Variants in SLCO6A1 observed in about 807,000 individuals in gnomAD.
The protein encoded by SLCO6A1 is solute carrier organic anion transporter family member 6A1.
SLCO6A1 carries 65 observed loss-of-function variants against 72.7 expected under a neutral mutation model. The observed-to-expected ratio is 0.89, with a 90% CI of 0.73 to 1.10. The LOEUF is 1.10. SLCO6A1 is among the 50% of genes least tolerant of loss of function. The probability of loss-of-function intolerance (pLI) is 0.00; values close to 1 mark genes in which losing one functional copy is unlikely to be tolerated. For missense variants in SLCO6A1, 874 were observed against 872.6 expected, an observed-to-expected ratio of 1.00 and a Z score of -0.02; for synonymous variants, 314 against 298.2, an observed-to-expected ratio of 1.05 and a Z score of -0.55.
chr5:102,411,629 A>G (rs547826866), intron 9 of SLCO6A1, among the ~76,000 whole-genome samples: 1 of 150,502 alleles, frequency 6.6e-6, no homozygotes, highest in Admixed American at 6.6e-5. Context: ...CCAAACTCCT[A>G]TCTAAGGGAT....
chr5:102,447,279 G>A lies in SLCO6A1; in HGVS notation c.1132-8518C>T, dbSNP rs904929843. On this transcript the variant is annotated intron_variant, in intron 6 of 13. Coordinates refer to ENST00000506729, the MANE Select transcript of SLCO6A1 (RefSeq NM_173488.5). ...GGATTCAGTTTGCTAGTATTTTTTT[G>A]AGAATGTTTGCATTTATGTTCATCA... is the stretch of plus-strand genomic sequence containing the variant. 3.3e-5 allele frequency among the ~76,000 whole-genome samples: 5 copies of A among 152,110 alleles called. No individual in the cohort carries two copies. In the East Asian group the frequency reaches 9.6e-4, roughly 29 times the overall value.
intron 1 of SLCO6A1, among the ~76,000 whole-genome samples, chr5:102,481,388 A>C (rs2112833703): frequency 6.6e-6 from 1 of 152,228 alleles, no homozygotes; most frequent in South Asian, 2.1e-4. Context: ...GGCTTTAATC[A>C]CCCAGCATTG....
intron 6 of SLCO6A1, among the ~76,000 whole-genome samples, chr5:102,446,347 C>T (rs1178630823): frequency 6.6e-6 from 1 of 152,054 alleles, no homozygotes; most frequent in African/African-American, 2.4e-5. Flanking sequence ...AATGGGATTG[C>T]ATTCTTGATT....
At chr5:102,439,197 A>G (rs1254677090) in intron 6 of SLCO6A1, among the ~76,000 whole-genome samples, 1 of 152,040 alleles carries the variant, frequency 6.6e-6, no homozygotes, top group Non-Finnish European at 1.5e-5. Context: ...AATACTCAAG[A>G]AAAACCAGTA....
At chr5:102,496,379 T>C (rs1049277974) in intron 1 of SLCO6A1, among the ~76,000 whole-genome samples, 1 of 152,050 alleles carries the variant, frequency 6.6e-6, no homozygotes, top group Non-Finnish European at 1.5e-5. Context: ...AATAGAAAAA[T>C]GAAGAGAGAT....
At chr5:102,385,177 T>A (rs1395785755) in intron 12 of SLCO6A1, among the ~76,000 whole-genome samples, 1 of 152,178 alleles carries the variant, frequency 6.6e-6, no homozygotes, top group Non-Finnish European at 1.5e-5. Context: ...GCTCCTAGTC[T>A]TATAGAGGTT....
intron 12 of SLCO6A1, among the ~76,000 whole-genome samples, chr5:102,386,546 T>C (rs184675258): frequency 6.6e-6 from 1 of 152,082 alleles, no homozygotes; most frequent in African/African-American, 2.4e-5. Flanking sequence ...GGTCTGGAAC[T>C]TGTATTTGCA....
chr5:102,406,745 TA>T (rs536925183), intron 9 of SLCO6A1, among the ~76,000 whole-genome samples: 4 of 151,032 alleles, frequency 2.6e-5, no homozygotes, highest in Non-Finnish European at 4.4e-5. Context: ...ATTTGTATTC[TA>T]AAAAAAAACA....
intron 7 of SLCO6A1, among the ~76,000 whole-genome samples, chr5:102,421,299 G>A: frequency 6.6e-6 from 1 of 152,032 alleles, no homozygotes; most frequent in East Asian, 1.9e-4. Context: ...AAACGGAGCC[G>A]AAGCCAGGGA....
intron 4 of SLCO6A1, among the ~76,000 whole-genome samples, chr5:102,463,896 G>GA (rs397697671): frequency 0.61 from 83,212 of 136,874 alleles, 24,484 homozygotes; most frequent in Non-Finnish European, 0.65. Context: ...CAAAAAAGAA[G>GA]AAAAAAAAAA....
chr5:102,385,325 G>T (rs1253773253), intron 12 of SLCO6A1, among the ~76,000 whole-genome samples: 1 of 152,040 alleles, frequency 6.6e-6, no homozygotes, highest in African/African-American at 2.4e-5. Flanking sequence ...ATGCTTCATG[G>T]ATCTGGATAT....
chr5:102,385,690 G>A (rs1368420120), intron 12 of SLCO6A1, among the ~76,000 whole-genome samples: 1 of 151,390 alleles, frequency 6.6e-6, no homozygotes, highest in Non-Finnish European at 1.5e-5. Context: ...TTCTCATTTT[G>A]TTTGTGTATT....
chr5:102,390,858 C>T (rs1554065789), intron 11 of SLCO6A1, 123 bp downstream of exon 11: 1 of 744,980 alleles, frequency 1.3e-6, no homozygotes, highest in Non-Finnish European at 2.2e-6. Context: ...TGCAAAGCAG[C>T]TCCCCCTTTC....
chr5:102,498,939 CGGA>C lies in SLCO6A1; in HGVS notation c.-98_-96del. On this transcript the variant is annotated 5_prime_UTR_variant, in exon 1 of 14. Transcript: ENST00000506729. Reference sequence around the variant, plus strand: ...CCAAAGGCCAGCCTGGCGAGGGCGTCGGAGGACTCGGTGGCCACAAGGGGCTCT... The same window carrying C: ...CCAAAGGCCAGCCTGGCGAGGGCGTCGGACTCGGTGGCCACAAGGGGCTCT... The C allele has an allele frequency of 8.3e-7, 1 of 1,209,882 alleles. No homozygotes were observed. Among genetic ancestry groups the C allele is most frequent in the East Asian group, 2.3e-5 (1 of 42,604 alleles). 74.9% of individuals were successfully genotyped at this position (1,209,882 alleles called of 1,614,324 possible). A position where few individuals can be genotyped will look rare whatever the true frequency, so the allele number is the denominator to read the frequency against.
intron 6 of SLCO6A1, among the ~76,000 whole-genome samples, chr5:102,441,851 CTT>C (rs1400486640): frequency 6.6e-6 from 1 of 151,208 alleles, no homozygotes; most frequent in Non-Finnish European, 1.5e-5. Context: ...GTAGATTATT[CTT>C]TTTATTTATT....
chr5:102,490,179 G>A (rs1752610461), intron 1 of SLCO6A1, among the ~76,000 whole-genome samples: 1 of 152,026 alleles, frequency 6.6e-6, no homozygotes, highest in Admixed American at 6.6e-5. Flanking sequence ...TTGCACAGTA[G>A]GGTGACTAGA....
intron 4 of SLCO6A1, among the ~76,000 whole-genome samples, chr5:102,473,104 A>T (rs574415514): frequency 3.8e-4 from 58 of 152,166 alleles, no homozygotes; most frequent in African/African-American, 1.3e-3. Flanking sequence ...ACTGAAGAGG[A>T]GGGAATACTT....
intron 1 of SLCO6A1, among the ~76,000 whole-genome samples, chr5:102,488,825 A>C (rs1752552324): frequency 6.6e-6 from 1 of 152,210 alleles, no homozygotes; most frequent in Non-Finnish European, 1.5e-5. Context: ...GAATAATTTC[A>C]TCTATCAAAA....
intron 9 of SLCO6A1, 152 bp from the exon 10 acceptor site, chr5:102,399,894 A>G (rs1053153175): frequency 3.8e-6 from 2 of 521,348 alleles, no homozygotes; most frequent in South Asian, 5.5e-5. Context: ...TGTATTATTT[A>G]GAAATGAAAC....
Sources: gnomAD v4.1 joint callset for allele counts (sites outside exome capture counted in the v4.1 genomes callset) on GRCh38, gnomAD v4.1.1 for gene constraint, MANE v1.5 for transcripts, NCBI Gene and HGNC (gene_info 2026-07-23, HGNC 2026-07-21) for gene names.